The following GAB2 variants were observed in gnomAD, a reference collection of about 807,000 sequenced individuals.
The protein encoded by GAB2 is GRB2-associated-binding protein 2.
Under a neutral mutation model 65.5 loss-of-function variants are expected in GAB2, and 26 were observed. That is an observed-to-expected ratio of 0.40 (90% CI 0.29 to 0.55). The LOEUF (loss-of-function observed/expected upper bound fraction) is 0.55, where lower values mean the gene tolerates loss of function less well. Ranked by LOEUF, GAB2 falls within the 20% of genes least tolerant of loss-of-function variation. GAB2 has a pLI of 0.53. For synonymous variants in GAB2, 321 were observed against 329.6 expected (o/e 0.97, Z 0.28); for missense variants, 884 against 875.8 (o/e 1.01, Z -0.12).
chr11:78,326,968 GA>G (rs1182877822), intron 1 of GAB2, among the ~76,000 whole-genome samples: 1 of 152,200 alleles, frequency 6.6e-6, no homozygotes, highest in Non-Finnish European at 1.5e-5. Flanking sequence ...AGGCTAAGAA[GA>G]AATTGGATGG....
chr11:78,353,521 A>T (rs1856312995), intron 1 of GAB2, among the ~76,000 whole-genome samples: 1 of 152,218 alleles, frequency 6.6e-6, no homozygotes, highest in Non-Finnish European at 1.5e-5. Context: ...GATTCATGAT[A>T]AAATCTGAGG....
chr11:78,331,294 G>T (rs1855910212), intron 1 of GAB2, among the ~76,000 whole-genome samples: 2 of 146,082 alleles, frequency 1.4e-5, no homozygotes, highest in African/African-American at 5.1e-5. Flanking sequence ...TTGCCAGGCT[G>T]GAGTGCAGTG....
At chr11:78,412,922 A>G (rs61454804) in intron 1 of GAB2, among the ~76,000 whole-genome samples, 7,202 of 152,260 alleles carry the variant, frequency 0.047, 530 homozygotes, top group African/African-American at 0.16. Flanking sequence ...GAAGAAGCGT[A>G]TAACAAGATA....
At chr11:78,221,612 G>A in intron 8 of GAB2, 65 bp downstream of exon 8, 1 of 917,070 alleles carries the variant, frequency 1.1e-6, no homozygotes, top group Non-Finnish European at 1.7e-6. Context: ...TGGGAAGTGG[G>A]GAACTGAGGG....
intron 1 of GAB2, among the ~76,000 whole-genome samples, chr11:78,315,092 G>C (rs1414336860): frequency 1.3e-5 from 2 of 152,218 alleles, no homozygotes; most frequent in Non-Finnish European, 2.9e-5. Context: ...GCAAACTGAA[G>C]GAGCTAATTG....
chr11:78,388,960 G>T (rs752129466), intron 1 of GAB2, among the ~76,000 whole-genome samples: 2 of 152,172 alleles, frequency 1.3e-5, no homozygotes, highest in Admixed American at 6.5e-5. Flanking sequence ...GGTCAGAAAA[G>T]ATCTTTCTCC....
At chr11:78,327,211 C>A (rs1283066423) in intron 1 of GAB2, among the ~76,000 whole-genome samples, 1 of 152,140 alleles carries the variant, frequency 6.6e-6, no homozygotes, top group African/African-American at 2.4e-5. Flanking sequence ...CACTTCTGTA[C>A]ATGTCTGATT....
intron 1 of GAB2, among the ~76,000 whole-genome samples, chr11:78,316,814 C>G (rs1269111270): frequency 2.6e-5 from 4 of 152,154 alleles, no homozygotes; most frequent in Non-Finnish European, 5.9e-5. Context: ...AAAGCAGGAA[C>G]ACAAACGGAA....
chr11:78,370,629 T>C (rs1856558083), intron 1 of GAB2, among the ~76,000 whole-genome samples: 1 of 152,082 alleles, frequency 6.6e-6, no homozygotes, highest in South Asian at 2.1e-4. Flanking sequence ...CCGCTACGGC[T>C]TAGCATGAAA....
rs77479865 is a variant in GAB2, at chr11:78,287,648, C to T, written c.76-6747G>A. 9.1e-3 allele frequency among the ~76,000 whole-genome samples: 1,272 copies of T among 139,794 alleles called. 19 individuals carry two copies. The highest frequency in any genetic ancestry group is 0.034 in the African/African-American group (1,199 of 35,780). 91.7% of individuals were successfully genotyped at this position (139,794 alleles called of 152,430 possible). ...ATAAGGCAAGGACATTTGCTCTTAT[C>T]ATTTTTTTTTTTTTTTTTGAGACAG... is the stretch of plus-strand genomic sequence containing the variant. On this transcript the variant is annotated intron_variant, in intron 1 of 9. Coordinates refer to ENST00000361507, the MANE Select transcript of GAB2 (RefSeq NM_080491.3).
At chr11:78,279,580 CAAG>C (rs1490684930) in intron 2 of GAB2, among the ~76,000 whole-genome samples, 1 of 152,034 alleles carries the variant, frequency 6.6e-6, no homozygotes, top group Non-Finnish European at 1.5e-5. Context: ...TTTACCACTC[CAAG>C]AAGAAACCCC....
At chr11:78,362,965 A>G (rs1400029169) in intron 1 of GAB2, among the ~76,000 whole-genome samples, 1 of 152,210 alleles carries the variant, frequency 6.6e-6, no homozygotes, top group Non-Finnish European at 1.5e-5. Context: ...CTCGAAATAT[A>G]TAAAGCAAGA....
At chr11:78,401,541 T>C (rs951657317) in intron 1 of GAB2, among the ~76,000 whole-genome samples, 1 of 150,904 alleles carries the variant, frequency 6.6e-6, no homozygotes. Flanking sequence ...TGTGTGTGTG[T>C]GTGTGTCTGG....
chr11:78,244,278 G>T (rs1261506443), intron 3 of GAB2, among the ~76,000 whole-genome samples: 3 of 152,064 alleles, frequency 2.0e-5, no homozygotes, highest in Non-Finnish European at 4.4e-5. Flanking sequence ...TGTGGTTCCA[G>T]CTGCTCAAAA....
chr11:78,381,654 A>G (rs1856699131), intron 1 of GAB2, among the ~76,000 whole-genome samples: 1 of 151,122 alleles, frequency 6.6e-6, no homozygotes, highest in East Asian at 2.0e-4. Context: ...CATGTTACTA[A>G]AAACTAAAAG....
At position 78,417,754 on chromosome 11, in the gene GAB2, G is replaced by A. The variant is rs1416426939; in HGVS notation, c.-34C>T. The stretch of plus-strand genomic sequence containing the variant: ...CCTGGAGCCCCCCGCCGGGTCGCGC[G>A]GACGAGGGCGCGGGCTCGGGCAGCT... On this transcript the variant is annotated 5_prime_UTR_variant, in exon 1 of 10. Transcript: ENST00000361507. 5 of 1,156,458 alleles carry A rather than the reference G, an allele frequency of 4.3e-6. No individual in the cohort carries two copies. Among genetic ancestry groups the A allele is most frequent in the South Asian group, 2.5e-5 (1 of 40,816 alleles). 71.6% of individuals were successfully genotyped at this position (1,156,458 alleles called of 1,614,324 possible).
At chr11:78,372,747 AAC>A (rs1265172210) in intron 1 of GAB2, among the ~76,000 whole-genome samples, 2 of 152,204 alleles carry the variant, frequency 1.3e-5, no homozygotes, top group African/African-American at 4.8e-5. Flanking sequence ...TCAAAATCGT[AAC>A]ACACTTTTTA....
chr11:78,297,140 T>C (rs1241180385), intron 1 of GAB2, among the ~76,000 whole-genome samples: 1 of 152,196 alleles, frequency 6.6e-6, no homozygotes, highest in African/African-American at 2.4e-5. Flanking sequence ...GAATCTAGAA[T>C]GTGTGAATAT....
intron 1 of GAB2, among the ~76,000 whole-genome samples, chr11:78,382,377 A>T (rs1268161092): frequency 6.7e-6 from 1 of 149,292 alleles, no homozygotes; most frequent in African/African-American, 2.5e-5. Context: ...TCTTTTTTTT[A>T]TTATTATTTT....
Sources: gnomAD v4.1 joint callset for allele counts (sites outside exome capture counted in the v4.1 genomes callset) on GRCh38, gnomAD v4.1.1 for gene constraint, MANE v1.5 for transcripts, NCBI Gene and HGNC (gene_info 2026-07-23, HGNC 2026-07-21) for gene names.